Variants in NT5DC4 observed in about 807,000 individuals in gnomAD.
The protein encoded by NT5DC4 is 5'-nucleotidase domain containing 4, also known as 5'-nucleotidase domain-containing protein 4.
NT5DC4 carries 44 observed loss-of-function variants against 26.6 expected under a neutral mutation model. The observed-to-expected ratio is 1.65, with a 90% CI of 1.30 to 2.13. NT5DC4 has a LOEUF of 2.13. Among genes scored for constraint, NT5DC4 ranks in the 30% most tolerant of loss-of-function variants. The probability of loss-of-function intolerance (pLI) is 0.00; values close to 1 mark genes in which losing one functional copy is unlikely to be tolerated. For missense variants in NT5DC4, 399 were observed against 228.1 expected (o/e 1.75, Z -4.83); for synonymous variants, 157 against 86.7 (o/e 1.81, Z -4.51).
At position 112,724,145 on chromosome 2, in the gene NT5DC4, C is replaced by T. The variant is rs762367576; in HGVS notation, c.789+19C>T. On this transcript the variant is annotated intron_variant, in intron 10 of 16. Coordinates refer to ENST00000688554, the MANE Select transcript of NT5DC4 (RefSeq NM_001393655.1). ...CAGTGAGGTGAGTGTTGGAGTGTTGCGTGCACGGCTGGGGTGGGCTGTGCA... is the reference window on the plus strand; with the variant it reads ...CAGTGAGGTGAGTGTTGGAGTGTTGTGTGCACGGCTGGGGTGGGCTGTGCA... 45 of 717,052 alleles carry T rather than the reference C, an allele frequency of 6.3e-5. No homozygotes were observed. Among genetic ancestry groups the T allele is most frequent in the East Asian group, 1.6e-4 (6 of 37,298 alleles). The allele number at this position is 717,052 out of a possible 1,614,324, so 44.4% of individuals were successfully genotyped here.
upstream of NT5DC4, among the ~76,000 whole-genome samples, chr2:112,719,924 C>CTTTCTTTCTCTTTCTTTCTT (rs758520099): frequency 1.4e-5 from 1 of 69,124 alleles, no homozygotes; most frequent in Non-Finnish European, 2.6e-5. Flanking sequence ...TTCTTTCTTT[C>CTTTCTTTCTCTTTCTTTCTT]TCTTTCTTTC....
At chr2:112,741,018 A>G, downstream of NT5DC4, 1 of 1,562,904 alleles carries the variant, frequency 6.4e-7, no homozygotes, top group Non-Finnish European at 8.8e-7. Flanking sequence ...CTGTGTATGT[A>G]AGATCATGAA....
rs532000650 is a variant in NT5DC4, at chr2:112,725,815, C to T, written c.1153+263C>T. Among the ~76,000 whole-genome samples the T allele has an allele frequency of 5.3e-5, 8 of 152,272 alleles. No homozygotes were observed. In the South Asian group the frequency reaches 1.7e-3, roughly 32 times the overall value. On this transcript the variant is annotated intron_variant, in intron 13 of 16. Transcript: ENST00000688554. ...ACCCAAGAATCCCGTGGTGTTTCTGCAGGCGGTGCCTTCCTCCTGCACCTG... is the reference window on the plus strand; with the variant it reads ...ACCCAAGAATCCCGTGGTGTTTCTGTAGGCGGTGCCTTCCTCCTGCACCTG...
chr2:112,726,288 C>T lies in NT5DC4; in HGVS notation c.1204C>T (p.Gln402Ter). ...RLDTHLADIY[Q>*]HMDGSSCELQ... Reference sequence around the variant, plus strand: ...GGACACGCACCTGGCAGACATATACCAGTGAGACCCTGGCCTTTCTGGGGG... The same window carrying T: ...GGACACGCACCTGGCAGACATATACTAGTGAGACCCTGGCCTTTCTGGGGG... Residue 402 changes from glutamine (Q) to a stop codon, truncating the protein, a stop_gained and splice_region_variant, in exon 14 of 17, where the codon CAG becomes TAG. Transcript: ENST00000688554. LOFTEE classifies it high-confidence loss of function. The T allele has an allele frequency of 1.4e-6, 1 of 717,210 alleles. No homozygotes were observed. The highest frequency in any genetic ancestry group is 2.7e-5 in the East Asian group (1 of 37,252). The allele number at this position is 717,210 out of a possible 1,614,324, so 44.4% of individuals were successfully genotyped here. A position where few individuals can be genotyped will look rare whatever the true frequency, so the allele number is the denominator to read the frequency against.
chr2:112,741,971 G>C (rs1042762372), downstream of NT5DC4, among the ~76,000 whole-genome samples: 2 of 68,900 alleles, frequency 2.9e-5, no homozygotes, highest in East Asian at 4.4e-4. Context: ...TTTTTTTAAA[G>C]ACAAGACAGG....
Position 112,721,613 on chromosome 2 carries a change from T to A in NT5DC4, c.75-205T>A, listed in dbSNP as rs1371624788. On this transcript the variant is annotated intron_variant, in intron 1 of 16. Transcript: ENST00000688554. ...GCACGCTTGCACACATGCTCACACA[T>A]GCTTACATGCACACTCACACTTGCC... The A allele has an allele frequency of 4.2e-6, 3 of 717,240 alleles. No homozygotes were observed. The African/African-American group carries it at 5.2e-5, about 13-fold the overall frequency. The allele number at this position is 717,240 out of a possible 1,614,324, so 44.4% of individuals were successfully genotyped here.
At chr2:112,734,290 T>G (rs181180284) in intron 16 of NT5DC4, among the ~76,000 whole-genome samples, 118 of 151,880 alleles carry the variant, frequency 7.8e-4, no homozygotes, top group Middle Eastern at 3.4e-3. Context: ...TTCATATAAC[T>G]AAAAAGTCCA....
downstream of NT5DC4, among the ~76,000 whole-genome samples, chr2:112,740,031 T>C (rs961900876): frequency 3.3e-5 from 5 of 152,230 alleles, no homozygotes; most frequent in East Asian, 1.9e-4. Context: ...CTTGGCAGAC[T>C]TGCCTGCTAG....
At chr2:112,726,141 G>A (rs949320338) in intron 13 of NT5DC4, 97 bp from the exon 14 acceptor site, 3 of 704,462 alleles carry the variant, frequency 4.3e-6, no homozygotes, top group Non-Finnish European at 7.9e-6. Flanking sequence ...CTCAGGGTGT[G>A]CAAGTCCTCC....
intron 16 of NT5DC4, among the ~76,000 whole-genome samples, chr2:112,732,955 C>T (rs1020743097): frequency 5.9e-5 from 9 of 152,160 alleles, no homozygotes; most frequent in African/African-American, 2.2e-4. Context: ...CTCTCAGCTC[C>T]AAAAGGTAAT....
chr2:112,720,122 C>A (rs1200554953), upstream of NT5DC4, among the ~76,000 whole-genome samples: 3 of 150,668 alleles, frequency 2.0e-5, no homozygotes, highest in Non-Finnish European at 2.9e-5. Context: ...CTCATTGCAA[C>A]CTCCAACCCC....
At chr2:112,734,192 TGTG>T (rs1678804496) in intron 16 of NT5DC4, among the ~76,000 whole-genome samples, 2 of 152,020 alleles carry the variant, frequency 1.3e-5, no homozygotes, top group African/African-American at 4.8e-5. Context: ...TGTGTGTGTG[TGTG>T]TGTGTGTACA....
intron 15 of NT5DC4, 115 bp downstream of exon 15, chr2:112,726,853 TCTC>T (rs1677810217): frequency 2.9e-6 from 2 of 695,868 alleles, no homozygotes; most frequent in Non-Finnish European, 2.7e-6. Context: ...GTTACCCCAT[TCTC>T]CTCAGCCTCG....
chr2:112,727,272 G>A (rs532460702), intron 15 of NT5DC4: 7 of 171,628 alleles, frequency 4.1e-5, no homozygotes, highest in South Asian at 3.8e-4. Context: ...AAGCACAGCC[G>A]TTTGATCTTC....
intron 16 of NT5DC4, among the ~76,000 whole-genome samples, chr2:112,735,414 G>A (rs1251054020): frequency 6.6e-6 from 1 of 152,016 alleles, no homozygotes; most frequent in East Asian, 1.9e-4. Flanking sequence ...TAACAAATGT[G>A]AACCATCATG....
At chr2:112,730,643 C>T (rs13016817) in intron 16 of NT5DC4, among the ~76,000 whole-genome samples, 68,443 of 152,002 alleles carry the variant, frequency 0.45, 16,495 homozygotes, top group East Asian at 0.72. Flanking sequence ...CATAAATGTT[C>T]CTCTTTCTCC....
rs1411686543 is a variant in NT5DC4, at chr2:112,729,617, A to G, written c.1267-10A>G. The stretch of plus-strand genomic sequence containing the variant: ...GAGTGCTTCACCTCCACCTGCATTT[A>G]TCCCTACAGATGCCACATGAGTCAG... On this transcript the variant is annotated splice_polypyrimidine_tract_variant and intron_variant, in intron 15 of 16. Coordinates refer to ENST00000688554, the MANE Select transcript of NT5DC4 (RefSeq NM_001393655.1). The G allele has an allele frequency of 4.2e-6, 3 of 717,766 alleles. No individual in the cohort carries two copies. The highest frequency in any genetic ancestry group is 2.7e-5 in the East Asian group (1 of 37,294). 44.5% of individuals were successfully genotyped at this position (717,766 alleles called of 1,614,324 possible).
chr2:112,723,578 G>A lies in NT5DC4; in HGVS notation c.672+110G>A, dbSNP rs17042286. ...GGTTTAGGCTGAGCTCTGCTCCCCG[G>A]ATGGCTGGGGATCTTTCTATGGGGC... On this transcript the variant is annotated intron_variant, in intron 8 of 16. Coordinates refer to ENST00000688554, the MANE Select transcript of NT5DC4 (RefSeq NM_001393655.1). 5,738 of 683,872 alleles carry A rather than the reference G, an allele frequency of 8.4e-3. 229 individuals are homozygous for A. The African/African-American group carries it at 0.09, about 11-fold the overall frequency. 42.4% of individuals were successfully genotyped at this position (683,872 alleles called of 1,614,324 possible).
At chr2:112,741,963 T>C (rs1680004016), downstream of NT5DC4, among the ~76,000 whole-genome samples, 1 of 148,354 alleles carries the variant, frequency 6.7e-6, no homozygotes, top group Non-Finnish European at 1.5e-5. Flanking sequence ...TTTTTTTTTT[T>C]TTTTAAAGAC....
Sources: allele counts gnomAD v4.1 joint callset (sites outside exome capture counted in the v4.1 genomes callset), GRCh38; gene constraint gnomAD v4.1.1; transcripts MANE v1.5; gene names NCBI Gene and HGNC (gene_info 2026-07-23, HGNC 2026-07-21).